MCTP2: variants seen among roughly 807,000 people sequenced by gnomAD.
MCTP2 encodes the protein multiple C2 and transmembrane domain containing 2, also known as multiple C2 and transmembrane domain-containing protein 2.
A neutral mutation model predicts 111.6 loss-of-function variants in MCTP2; 132 were observed. The observed-to-expected ratio is 1.18, with a 90% CI of 1.03 to 1.37. The LOEUF (loss-of-function observed/expected upper bound fraction) is 1.37. Ranked by LOEUF, MCTP2 falls within the 40% of genes most tolerant of loss-of-function variation. The pLI is 0.00. For synonymous variants in MCTP2, 395 were observed against 387.7 expected, an observed-to-expected ratio of 1.02 and a Z score of -0.22; for missense variants, 1,183 against 1,067.9, an observed-to-expected ratio of 1.11 and a Z score of -1.50.
chr15:94,357,663 G>A (rs78843832), intron 9 of MCTP2, among the ~76,000 whole-genome samples: 1,875 of 152,044 alleles, frequency 0.012, 10 homozygotes, highest in Middle Eastern at 0.027. Flanking sequence ...GGCTACAGCC[G>A]AGGTCTGAGT....
chr15:94,390,080 ATATATATATG>A (rs1375558756), intron 14 of MCTP2, among the ~76,000 whole-genome samples: 16 of 11,812 alleles, frequency 1.4e-3, no homozygotes, highest in East Asian at 3.6e-3. Flanking sequence ...ATATATATAT[ATATATATATG>A]TATATATATA....
chr15:94,319,888 A>C (rs1327841503), intron 4 of MCTP2, among the ~76,000 whole-genome samples: 1 of 152,174 alleles, frequency 6.6e-6, no homozygotes, highest in Non-Finnish European at 1.5e-5. Flanking sequence ...AGTCTTTATA[A>C]CGTGTTCTCC....
chr15:94,442,610 C>T (rs939322494), intron 18 of MCTP2, among the ~76,000 whole-genome samples: 2 of 152,154 alleles, frequency 1.3e-5, no homozygotes, highest in Admixed American at 1.3e-4. Flanking sequence ...GTTCATTTGT[C>T]AGAATAAGAA....
At chr15:94,291,813 G>C (rs2075044686) in intron 1 of MCTP2, among the ~76,000 whole-genome samples, 1 of 151,960 alleles carries the variant, frequency 6.6e-6, no homozygotes, top group South Asian at 2.1e-4. Flanking sequence ...CCAGTGGTTG[G>C]CAAACTTTCT....
At chr15:94,387,120 C>T (rs912839370) in intron 14 of MCTP2, among the ~76,000 whole-genome samples, 2 of 143,076 alleles carry the variant, frequency 1.4e-5, no homozygotes, top group South Asian at 2.1e-4. Flanking sequence ...TCCTCCCTTC[C>T]TCCTTCCTCC....
intron 19 of MCTP2, 83 bp from the exon 20 acceptor site, chr15:94,458,054 A>G (rs1567749085): frequency 2.6e-6 from 2 of 778,450 alleles, no homozygotes; most frequent in South Asian, 1.6e-5. Context: ...AAACCTTGTT[A>G]TTATAACATG....
chr15:94,464,875 C>T (rs2073132155), intron 20 of MCTP2, among the ~76,000 whole-genome samples: 1 of 151,962 alleles, frequency 6.6e-6, no homozygotes, highest in African/African-American at 2.4e-5. Flanking sequence ...AAATATTGAT[C>T]CAGCAATGGA....
At chr15:94,420,595 G>A (rs1364226506) in intron 17 of MCTP2, among the ~76,000 whole-genome samples, 1 of 152,146 alleles carries the variant, frequency 6.6e-6, no homozygotes, top group Non-Finnish European at 1.5e-5. Flanking sequence ...AGTGGAAGAA[G>A]TAAGTTTAGA....
chr15:94,402,051 G>C, intron 17 of MCTP2, 32 bp downstream of exon 17: 1 of 1,602,972 alleles, frequency 6.2e-7, no homozygotes, highest in South Asian at 1.1e-5. Flanking sequence ...CAAACTATTT[G>C]CTTCTTATTT....
chr15:94,439,259 G>C (rs184294440), intron 17 of MCTP2, among the ~76,000 whole-genome samples: 4 of 151,154 alleles, frequency 2.6e-5, no homozygotes, highest in African/African-American at 9.7e-5. Flanking sequence ...ATTGCTTTTG[G>C]AAAGGAAGAT....
At chr15:94,334,886 T>C (rs769165161) in intron 4 of MCTP2, among the ~76,000 whole-genome samples, 2 of 152,222 alleles carry the variant, frequency 1.3e-5, no homozygotes, top group African/African-American at 4.8e-5. Context: ...CATAGTTTAA[T>C]ATTTTACTCT....
chr15:94,361,084 GTTTTTTTTTTTTTTTT>G (rs67774490), intron 10 of MCTP2, among the ~76,000 whole-genome samples: 14 of 8,418 alleles, frequency 1.7e-3, no homozygotes, highest in South Asian at 0.016. Flanking sequence ...AATATTTCAA[GTTTTTTTTTTTTTTTT>G]TTTTTTTTTT....
At chr15:94,287,689 G>A (rs1013271377) in intron 1 of MCTP2, among the ~76,000 whole-genome samples, 2 of 152,150 alleles carry the variant, frequency 1.3e-5, no homozygotes, top group East Asian at 1.9e-4. Flanking sequence ...CTACAGCTTC[G>A]ACAAACAGGA....
At chr15:94,347,201 A>G (rs2078031060) in intron 8 of MCTP2, among the ~76,000 whole-genome samples, 2 of 152,174 alleles carry the variant, frequency 1.3e-5, no homozygotes, top group Non-Finnish European at 2.9e-5. Context: ...CATGGAGACT[A>G]TAGACGCTTG....
intron 19 of MCTP2, among the ~76,000 whole-genome samples, chr15:94,448,692 G>A (rs1015398842): frequency 2.0e-5 from 3 of 152,146 alleles, no homozygotes; most frequent in Non-Finnish European, 4.4e-5. Flanking sequence ...AACCTGTATT[G>A]CATCTAGATA....
intron 4 of MCTP2, among the ~76,000 whole-genome samples, chr15:94,328,210 G>C (rs1249268278): frequency 6.6e-6 from 1 of 150,962 alleles, no homozygotes; most frequent in Non-Finnish European, 1.5e-5. Context: ...CTCACTGCAG[G>C]CTCTGCCTCC....
Position 94,339,379 on chromosome 15 carries a change from G to T in MCTP2, c.727G>T (p.Asp243Tyr). 2 of 1,612,122 alleles carry T rather than the reference G, an allele frequency of 1.2e-6. No individual in the cohort carries two copies. The highest frequency in any genetic ancestry group is 1.7e-6 in the Non-Finnish European group (2 of 1,178,840). ...VIYKNLNPVWDEIVVLPIQSL... is the reference protein window; with the variant it reads ...VIYKNLNPVWYEIVVLPIQSL... The stretch of plus-strand genomic sequence containing the variant: ...ATATAAGAACTTGAACCCAGTATGG[G>T]ATGAGATAGTTGTATTGCCAATCCA... The change falls in exon 5 of 23, where the codon GAT becomes TAT. Residue 243 changes from aspartate to tyrosine, a missense_variant. Transcript: ENST00000357742.
chr15:94,320,361 T>A (rs1172422762), intron 4 of MCTP2, among the ~76,000 whole-genome samples: 1 of 152,136 alleles, frequency 6.6e-6, no homozygotes, highest in Non-Finnish European at 1.5e-5. Flanking sequence ...CAGGATGGTC[T>A]CGATCTCCTG....
chr15:94,331,668 GTAT>G (rs1239632671), intron 4 of MCTP2, among the ~76,000 whole-genome samples: 1 of 152,198 alleles, frequency 6.6e-6, no homozygotes, highest in African/African-American at 2.4e-5. Context: ...TGATTTCGCT[GTAT>G]ATTGGTCATT....
Sources: allele counts gnomAD v4.1 joint callset (sites outside exome capture counted in the v4.1 genomes callset), GRCh38; gene constraint gnomAD v4.1.1; transcripts MANE v1.5; gene names NCBI Gene and HGNC (gene_info 2026-07-23, HGNC 2026-07-21).